The following ZNF407 variants were observed in gnomAD, a reference collection of about 807,000 sequenced individuals.
ZNF407 encodes zinc finger protein 407.
ZNF407 carries 17 observed loss-of-function variants against 131.2 expected under a neutral mutation model. That is an observed-to-expected ratio of 0.13 (90% CI 0.09 to 0.19). The LOEUF is 0.19. Ranked by LOEUF, ZNF407 falls within the 10% of genes least tolerant of loss-of-function variation. The pLI is 1.00. For synonymous variants in ZNF407, 1,156 were observed against 1,062.0 expected, an observed-to-expected ratio of 1.09 and a Z score of -1.72; for missense variants, 2,681 against 2,830.6, an observed-to-expected ratio of 0.95 and a Z score of 1.20.
chr18:74,839,910 T>C (rs1314633635), intron 4 of ZNF407, among the ~76,000 whole-genome samples: 1 of 152,182 alleles, frequency 6.6e-6, no homozygotes, highest in African/African-American at 2.4e-5. Flanking sequence ...ACCGTTAGAC[T>C]CTATAAAGCA....
chr18:74,675,090 C>T (rs1056475763), intron 3 of ZNF407, among the ~76,000 whole-genome samples: 1 of 152,198 alleles, frequency 6.6e-6, no homozygotes, highest in Non-Finnish European at 1.5e-5. Context: ...CTGTCACTCT[C>T]TACTCACTAA....
intron 6 of ZNF407, among the ~76,000 whole-genome samples, chr18:74,889,121 C>A (rs1971350323): frequency 6.6e-6 from 1 of 152,024 alleles, no homozygotes; most frequent in Admixed American, 6.6e-5. Context: ...AGGTTTGTAC[C>A]CCAGGAGGAA....
chr18:74,737,095 G>A (rs780264111), intron 3 of ZNF407, among the ~76,000 whole-genome samples: 21 of 152,138 alleles, frequency 1.4e-4, no homozygotes, highest in Non-Finnish European at 2.8e-4. Flanking sequence ...ATGCAGTTTT[G>A]TAATAAAATT....
chr18:74,775,721 G>A (rs1457134180), intron 3 of ZNF407, among the ~76,000 whole-genome samples: 2 of 152,162 alleles, frequency 1.3e-5, no homozygotes, highest in Non-Finnish European at 2.9e-5. Flanking sequence ...AAAGAAAGGA[G>A]GTTTAATTGG....
intron 7 of ZNF407, among the ~76,000 whole-genome samples, chr18:74,910,050 C>T (rs1971648215): frequency 1.3e-5 from 2 of 152,054 alleles, no homozygotes; most frequent in Non-Finnish European, 1.5e-5. Flanking sequence ...AAACAACTGC[C>T]GTAGTGTTAC....
intron 4 of ZNF407, among the ~76,000 whole-genome samples, chr18:74,828,705 G>A (rs1177358301): frequency 1.3e-5 from 2 of 152,136 alleles, no homozygotes; most frequent in African/African-American, 4.8e-5. Context: ...AACCTAGAGT[G>A]GGAGCCATGT....
chr18:74,747,030 G>A (rs563981663), intron 3 of ZNF407, among the ~76,000 whole-genome samples: 1 of 152,134 alleles, frequency 6.6e-6, no homozygotes, highest in African/African-American at 2.4e-5. Context: ...TTAGTCAACA[G>A]GAATTTTTCA....
chr18:74,777,259 C>T (rs1599144848), intron 3 of ZNF407, among the ~76,000 whole-genome samples: 2 of 152,072 alleles, frequency 1.3e-5, no homozygotes, highest in East Asian at 3.9e-4. Context: ...ATTACTACTG[C>T]ATTGCTGTTT....
chr18:74,751,655 A>C (rs1353415772), intron 3 of ZNF407, among the ~76,000 whole-genome samples: 1 of 152,022 alleles, frequency 6.6e-6, no homozygotes, highest in Non-Finnish European at 1.5e-5. Context: ...AGTTTGCTCA[A>C]AATGATGGTT....
intron 3 of ZNF407, among the ~76,000 whole-genome samples, chr18:74,735,255 G>A (rs938145235): frequency 2.0e-5 from 3 of 152,136 alleles, no homozygotes; most frequent in African/African-American, 7.2e-5. Flanking sequence ...TGTGATATTT[G>A]TAGAATATTT....
At chr18:74,716,389 G>A (rs1159798818) in intron 3 of ZNF407, among the ~76,000 whole-genome samples, 2 of 152,162 alleles carry the variant, frequency 1.3e-5, no homozygotes, top group African/African-American at 2.4e-5. Context: ...GACATTTTGT[G>A]TGTGTGTGAT....
chr18:74,751,532 C>T (rs891875282), intron 3 of ZNF407, among the ~76,000 whole-genome samples: 16 of 151,980 alleles, frequency 1.1e-4, no homozygotes, highest in African/African-American at 3.6e-4. Flanking sequence ...CTCCCCCCAC[C>T]ACACGACAGG....
chr18:74,704,934 A>T (rs1967589444), intron 3 of ZNF407, among the ~76,000 whole-genome samples: 1 of 152,224 alleles, frequency 6.6e-6, no homozygotes, highest in South Asian at 2.1e-4. Context: ...GTATGCTTTT[A>T]CATGAAGATT....
rs576788158 is a variant in ZNF407 at position 74,915,095 on chromosome 18, A to G, written c.5250-5419A>G. ...CTTTCATAGGGAAACACCAAGATACATATAGATGGTGACAGATATAAGCTT... is the reference window on the plus strand; with the variant it reads ...CTTTCATAGGGAAACACCAAGATACGTATAGATGGTGACAGATATAAGCTT... On this transcript the variant is annotated intron_variant, in intron 7 of 8. Transcript: ENST00000299687. Among the ~76,000 whole-genome samples the G allele has an allele frequency of 4.6e-5, 7 of 152,340 alleles. 1 individual carries two copies. Among genetic ancestry groups the G allele is most frequent in the African/African-American group, 1.7e-4 (7 of 41,582 alleles).
chr18:75,065,341 A>G lies in ZNF407; in HGVS notation c.*873A>G, dbSNP rs1239093701. ...TTGTTCATATTGATGCCATTTTTGC[A>G]GGATTTCTTCGTGATTTCTGTCCAT... On this transcript the variant is annotated 3_prime_UTR_variant, in exon 9 of 9. Transcript: ENST00000299687. The G allele has an allele frequency of 6.6e-5, 10 of 152,216 alleles. No individual in the cohort carries two copies. The highest frequency in any genetic ancestry group is 6.5e-4 in the Admixed American group (10 of 15,290). 9.4% of individuals were successfully genotyped at this position (152,216 alleles called of 1,614,324 possible).
At chr18:74,836,123 A>C (rs982869578) in intron 4 of ZNF407, among the ~76,000 whole-genome samples, 3 of 152,212 alleles carry the variant, frequency 2.0e-5, no homozygotes, top group Non-Finnish European at 4.4e-5. Context: ...GAAGGACAAA[A>C]AATAGGTTAA....
At chr18:74,982,337 T>C (rs575393475) in intron 8 of ZNF407, among the ~76,000 whole-genome samples, 23 of 152,214 alleles carry the variant, frequency 1.5e-4, no homozygotes, top group Non-Finnish European at 2.9e-4. Flanking sequence ...AGACATTCTA[T>C]AGTCTCTTTC....
intron 3 of ZNF407, among the ~76,000 whole-genome samples, chr18:74,684,457 G>A (rs192780822): frequency 2.0e-5 from 3 of 152,220 alleles, no homozygotes; most frequent in African/African-American, 7.2e-5. Flanking sequence ...ATAGTAAAGT[G>A]CTCTGGATAA....
intron 8 of ZNF407, among the ~76,000 whole-genome samples, chr18:74,973,137 T>C (rs2145305421): frequency 7.0e-6 from 1 of 142,100 alleles, no homozygotes; most frequent in South Asian, 2.1e-4. Context: ...TTTATATATA[T>C]ATGTGTGTGT....
Sources: allele counts gnomAD v4.1 joint callset (sites outside exome capture counted in the v4.1 genomes callset), GRCh38; gene constraint gnomAD v4.1.1; transcripts MANE v1.5; gene names NCBI Gene and HGNC (gene_info 2026-07-23, HGNC 2026-07-21).